Variants in IPP observed in about 807,000 individuals in gnomAD.
The protein encoded by IPP is actin-binding protein IPP.
In IPP, 41 loss-of-function variants were observed where a neutral mutation model predicts 64.1. The ratio of observed to expected loss-of-function variants is 0.64; its 90% confidence interval spans 0.50 to 0.83. The LOEUF (loss-of-function observed/expected upper bound fraction) is 0.83. IPP is among the 40% of genes least tolerant of loss of function. IPP has a pLI of 0.00. For synonymous variants in IPP, 214 were observed against 235.2 expected (o/e 0.91, Z 0.83); for missense variants, 649 against 703.0 (o/e 0.92, Z 0.87).
At chr1:45,724,638 C>G (rs1285876647) in intron 5 of IPP, among the ~76,000 whole-genome samples, 1 of 151,132 alleles carries the variant, frequency 6.6e-6, no homozygotes, top group Non-Finnish European at 1.5e-5. Flanking sequence ...GCCGCCCTGT[C>G]TGGGATGTGA....
At chr1:45,746,520 C>G in intron 1 of IPP, 59 bp from the exon 2 acceptor site, 2 of 717,886 alleles carry the variant, frequency 2.8e-6, no homozygotes, top group South Asian at 3.7e-5. Flanking sequence ...GCTTTCTATT[C>G]ACACATAAGA....
chr1:45,716,989 G>T lies in IPP; in HGVS notation c.1215C>A (p.Asn405Lys). The T allele has an allele frequency of 6.2e-7, 1 of 1,612,830 alleles. No individual in the cohort carries two copies. The highest frequency in any genetic ancestry group is 8.5e-7 in the Non-Finnish European group (1 of 1,179,326). ...LGGWVGAEIG[N>K]TIERFDPDEN... ...CATCAGGATCAAATCGTTCAATGGT[G>T]TTCCCTATCTCAGCTCCAACCCATC... The change falls in exon 7 of 9, where the codon AAC becomes AAA. Residue 405 changes from asparagine to lysine, a missense_variant. By Grantham distance (94) the Asn-to-Lys change is moderately conservative. Coordinates refer to ENST00000396478, the MANE Select transcript of IPP (RefSeq NM_005897.3).
At chr1:45,722,249 G>C (rs1019873971) in intron 5 of IPP, among the ~76,000 whole-genome samples, 2 of 150,716 alleles carry the variant, frequency 1.3e-5, no homozygotes, top group South Asian at 4.2e-4. Context: ...GTGAGACTCC[G>C]TTTCAAAAAA....
Position 45,741,953 on chromosome 1 carries a change from T to C in IPP, c.293-621A>G, listed in dbSNP as rs868473769. ...TTATTTTCATATTAAAGAAACAGAA[T>C]CAAAGTTTAAGTCACTTGTCCACAA... On this transcript the variant is annotated intron_variant, in intron 2 of 8. Coordinates refer to ENST00000396478, the MANE Select transcript of IPP (RefSeq NM_005897.3). 2.4e-4 allele frequency among the ~76,000 whole-genome samples: 36 copies of C among 152,272 alleles called. 1 individual carries two copies. The highest frequency in any genetic ancestry group is 3.4e-3 in the Middle Eastern group (1 of 294).
At position 45,741,206 on chromosome 1, in the gene IPP, A is replaced by G. The variant is rs145881674; in HGVS notation, c.419T>C (p.Ile140Thr). The stretch of plus-strand genomic sequence containing the variant: ...TTGCTCAGAGAACTGAAAAATTCCA[A>G]TGCAGTTCAGTGGATCAATTTGTCC... Reference protein sequence around the residue: ...LKGQIDPLNCIGIFQFSEQIA... With the variant: ...LKGQIDPLNCTGIFQFSEQIA... The change falls in exon 3 of 9, where the codon ATT (isoleucine) becomes ACT (threonine). Residue 140 changes from isoleucine (I) to threonine (T), a missense_variant. Coordinates refer to ENST00000396478, the MANE Select transcript of IPP (RefSeq NM_005897.3). 1.1e-4 allele frequency: 179 copies of G among 1,614,036 alleles called. No individual in the cohort carries two copies. The highest frequency in any genetic ancestry group is 1.4e-4 in the Non-Finnish European group (166 of 1,179,992).
At chr1:45,729,555 A>G (rs1239738297) in intron 4 of IPP, 59 bp downstream of exon 4, 2 of 1,340,522 alleles carry the variant, frequency 1.5e-6, no homozygotes, top group East Asian at 4.6e-5. Context: ...CAAAATATTA[A>G]AAAGGTTTGA....
chr1:45,726,453 C>T (rs1281723159), intron 5 of IPP, among the ~76,000 whole-genome samples: 1 of 151,960 alleles, frequency 6.6e-6, no homozygotes, highest in Non-Finnish European at 1.5e-5. Context: ...ACAACAAGAG[C>T]AAAACTCCAT....
chr1:45,734,962 T>G (rs956582971), intron 3 of IPP, among the ~76,000 whole-genome samples: 2 of 152,106 alleles, frequency 1.3e-5, no homozygotes, highest in East Asian at 3.8e-4. Context: ...ATATTTTTAG[T>G]AGAGACAGGA....
intron 5 of IPP, among the ~76,000 whole-genome samples, chr1:45,723,486 TAGG>T (rs1645760877): frequency 2.0e-5 from 3 of 152,216 alleles, no homozygotes; most frequent in Admixed American, 2.0e-4. Flanking sequence ...CCTCTGACCC[TAGG>T]TTAAACAGAA....
At chr1:45,698,280 A>T (rs903564591), downstream of IPP, among the ~76,000 whole-genome samples, 1 of 152,202 alleles carries the variant, frequency 6.6e-6, no homozygotes, top group Non-Finnish European at 1.5e-5. Context: ...CAACAAGAGC[A>T]AAATTCCATC....
chr1:45,750,108 C>T (rs1646201230), intron 1 of IPP, among the ~76,000 whole-genome samples: 1 of 152,008 alleles, frequency 6.6e-6, no homozygotes, highest in Non-Finnish European at 1.5e-5. Context: ...CTAAAGCGGA[C>T]CTATGTTTGC....
At chr1:45,697,373 C>T (rs1645396044), downstream of IPP, 2 of 152,236 alleles carry the variant, frequency 1.3e-5, no homozygotes, top group Non-Finnish European at 2.9e-5. Context: ...GCCTCAGCCT[C>T]CTCAGCAGCT....
At chr1:45,721,359 T>C (rs1323362700) in intron 5 of IPP, among the ~76,000 whole-genome samples, 1 of 152,222 alleles carries the variant, frequency 6.6e-6, no homozygotes, top group Non-Finnish European at 1.5e-5. Flanking sequence ...AATTTTGGTA[T>C]GTGCTAGGAA....
rs771489985 is a variant in IPP at position 45,741,049 on chromosome 1, A to T, written c.576T>A (p.Leu192=). The T allele has an allele frequency of 6.2e-7, 1 of 1,613,976 alleles. No individual in the cohort carries two copies. Among genetic ancestry groups the T allele is most frequent in the African/African-American group, 1.3e-5 (1 of 74,928 alleles). The part of the protein sequence containing the change: ...QLIKILRSEE[L]SIEDEYQVFL... The stretch of plus-strand genomic sequence containing the variant: ...AGACCTGGTATTCATCCTCAATGCT[A>T]AGCTCTTCACTTCGCAAAATTTTGA... Residue 192 remains leucine, a synonymous_variant, in exon 3 of 9, where the codon CTT becomes CTA. Coordinates refer to ENST00000396478, the MANE Select transcript of IPP (RefSeq NM_005897.3).
chr1:45,723,051 T>C (rs541754905), intron 5 of IPP, among the ~76,000 whole-genome samples: 1 of 152,322 alleles, frequency 6.6e-6, no homozygotes, highest in African/African-American at 2.4e-5. Context: ...GTGGTGACAA[T>C]TGCACAACTT....
At chr1:45,738,057 C>T (rs1302406053) in intron 3 of IPP, among the ~76,000 whole-genome samples, 1 of 152,128 alleles carries the variant, frequency 6.6e-6, no homozygotes, top group African/African-American at 2.4e-5. Flanking sequence ...TAGGAAAAAA[C>T]ATAATGTACA....
At chr1:45,742,395 C>A (rs1161675126) in intron 2 of IPP, among the ~76,000 whole-genome samples, 1 of 152,126 alleles carries the variant, frequency 6.6e-6, no homozygotes, top group Non-Finnish European at 1.5e-5. Context: ...AAACAAACAA[C>A]AACAGCAACA....
chr1:45,699,778 T>C lies in IPP; in HGVS notation c.*188A>G. The C allele has an allele frequency of 7.2e-7, 1 of 1,382,598 alleles. No individual in the cohort carries two copies. Among genetic ancestry groups the C allele is most frequent in the Non-Finnish European group, 9.4e-7 (1 of 1,061,744 alleles). 85.6% of individuals were successfully genotyped at this position (1,382,598 alleles called of 1,614,324 possible). Reference sequence around the variant, plus strand: ...CCTGGGCTCAAGTGATCCTTCTGCCTCAGCCTTCCAAAGTGCTGGGATTAT... The same window carrying C: ...CCTGGGCTCAAGTGATCCTTCTGCCCCAGCCTTCCAAAGTGCTGGGATTAT... On this transcript the variant is annotated 3_prime_UTR_variant, in exon 9 of 9. Transcript: ENST00000396478.
chr1:45,694,813 CTAGTACAT>C (rs1263886679), downstream of IPP: 1 of 225,008 alleles, frequency 4.4e-6, no homozygotes, highest in Non-Finnish European at 8.7e-6. Context: ...AATAAAGCCA[CTAGTACAT>C]ATAAATTAGG....
Sources: allele counts gnomAD v4.1 joint callset (sites outside exome capture counted in the v4.1 genomes callset), GRCh38; gene constraint gnomAD v4.1.1; transcripts MANE v1.5; gene names NCBI Gene and HGNC (gene_info 2026-07-23, HGNC 2026-07-21).